HYCC2: variants seen among roughly 807,000 people sequenced by gnomAD.
HYCC2 encodes hyccin PI4KA lipid kinase complex subunit 2.
At chr2:201,065,992 G>A in the HYCC2 span, among the ~76,000 whole-genome samples, 1 of 152,014 alleles carries the variant, frequency 6.6e-6, no homozygotes, top group South Asian at 2.1e-4. Flanking sequence ...ATTTCCCCTA[G>A]TATTTTCCAT....
At chr2:201,011,642 T>A in the HYCC2 span, among the ~76,000 whole-genome samples, 1 of 152,214 alleles carries the variant, frequency 6.6e-6, no homozygotes, top group Non-Finnish European at 1.5e-5. Flanking sequence ...TATTAACAAA[T>A]TTGTACACTT....
chr2:201,034,496 G>A, the HYCC2 span, among the ~76,000 whole-genome samples: 6 of 152,060 alleles, frequency 3.9e-5, no homozygotes, highest in African/African-American at 1.2e-4. Flanking sequence ...GAGCCTATGT[G>A]TGTCTCTGCA....
chr2:201,029,793 G>T, the HYCC2 span, among the ~76,000 whole-genome samples: 1 of 152,256 alleles, frequency 6.6e-6, no homozygotes, highest in South Asian at 2.1e-4. Flanking sequence ...GTGGGGGGAT[G>T]GGGGAAGGAT....
At chr2:201,028,022 T>G in the HYCC2 span, among the ~76,000 whole-genome samples, 1 of 152,176 alleles carries the variant, frequency 6.6e-6, no homozygotes, top group Admixed American at 6.5e-5. Flanking sequence ...AGAAGTCAAA[T>G]TGTCCCTCTT....
At chr2:200,996,815 T>C in the HYCC2 span, 34 of 152,300 alleles carry the variant, frequency 2.2e-4, no homozygotes, top group African/African-American at 7.7e-4. Flanking sequence ...ACTTTCCCCA[T>C]ATATAGCACT....
chr2:201,029,236 G>A, the HYCC2 span, among the ~76,000 whole-genome samples: 1 of 152,158 alleles, frequency 6.6e-6, no homozygotes, highest in Non-Finnish European at 1.5e-5. Context: ...TCAGAGAAAT[G>A]CAAATCAAAA....
At chr2:200,993,219 C>T in the HYCC2 span, among the ~76,000 whole-genome samples, 1 of 152,152 alleles carries the variant, frequency 6.6e-6, no homozygotes, top group Non-Finnish European at 1.5e-5. Flanking sequence ...TCTCATAAAG[C>T]ACTCATTCTA....
chr2:201,018,693 G>C, the HYCC2 span, among the ~76,000 whole-genome samples: 1 of 152,078 alleles, frequency 6.6e-6, no homozygotes, highest in Non-Finnish European at 1.5e-5. Context: ...TTTTCCAGAG[G>C]CTGGGTGTGG....
the HYCC2 span, among the ~76,000 whole-genome samples, chr2:201,001,646 A>G: frequency 6.6e-6 from 1 of 152,114 alleles, no homozygotes; most frequent in African/African-American, 2.4e-5. Flanking sequence ...ACTCAATTGT[A>G]TGCTTTAAAG....
chr2:201,056,914 T>C, the HYCC2 span, among the ~76,000 whole-genome samples: 3 of 152,210 alleles, frequency 2.0e-5, no homozygotes, highest in African/African-American at 7.2e-5. Flanking sequence ...GTCTTTTACA[T>C]GGTAGGATGT....
At chr2:200,999,797 C>G in the HYCC2 span, among the ~76,000 whole-genome samples, 1 of 150,876 alleles carries the variant, frequency 6.6e-6, no homozygotes, top group Non-Finnish European at 1.5e-5. Flanking sequence ...GGCGCAGTGG[C>G]TCACATCTGT....
the HYCC2 span, among the ~76,000 whole-genome samples, chr2:201,019,011 A>G: frequency 6.6e-5 from 10 of 152,344 alleles, no homozygotes; most frequent in Admixed American, 5.9e-4. Context: ...TTTAATCACA[A>G]AACAGTGTAT....
the HYCC2 span, among the ~76,000 whole-genome samples, chr2:200,985,980 T>C: frequency 6.6e-6 from 1 of 152,152 alleles, no homozygotes; most frequent in Non-Finnish European, 1.5e-5. Context: ...ATTCTAGCAA[T>C]AGTAGTAGAT....
chr2:201,025,238 G>A, the HYCC2 span, among the ~76,000 whole-genome samples: 1 of 152,244 alleles, frequency 6.6e-6, no homozygotes, highest in East Asian at 1.9e-4. Flanking sequence ...CACCCAAGTA[G>A]GCAGCTGCCG....
the HYCC2 span, among the ~76,000 whole-genome samples, chr2:201,059,957 T>A: frequency 6.8e-6 from 1 of 147,270 alleles, no homozygotes; most frequent in Non-Finnish European, 1.5e-5. Context: ...AGGTGGAGAA[T>A]CACTTGAACC....
chr2:201,014,006 A>G, the HYCC2 span, among the ~76,000 whole-genome samples: 3 of 152,220 alleles, frequency 2.0e-5, no homozygotes, highest in East Asian at 5.8e-4. Flanking sequence ...GAACACAGAC[A>G]TCGAGGGAAT....
the HYCC2 span, among the ~76,000 whole-genome samples, chr2:201,019,432 T>C: frequency 2.6e-4 from 40 of 152,116 alleles, no homozygotes; most frequent in Non-Finnish European, 1.0e-4. Flanking sequence ...TAAGTTTTAA[T>C]CAGATACTAC....
chr2:201,022,131 CT>C, the HYCC2 span: 3 of 1,285,660 alleles, frequency 2.3e-6, no homozygotes, highest in Admixed American at 4.6e-5. Context: ...AGATAAGAAG[CT>C]ACTTTCCTGT....
chr2:200,992,909 G>A, the HYCC2 span: 1 of 1,609,208 alleles, frequency 6.2e-7, no homozygotes, highest in Non-Finnish European at 8.5e-7. Context: ...ACCCCTGTGA[G>A]AAGTTGCACC....
Sources: gnomAD v4.1 joint callset for allele counts (sites outside exome capture counted in the v4.1 genomes callset) on GRCh38, gnomAD v4.1.1 for gene constraint, MANE v1.5 for transcripts, NCBI Gene and HGNC (gene_info 2026-07-23, HGNC 2026-07-21) for gene names.